The following LYPLA1 variants were observed in gnomAD, a reference collection of about 807,000 sequenced individuals.
LYPLA1 encodes lysophospholipase 1, also known as acyl-protein thioesterase 1.
LYPLA1 carries 17 observed loss-of-function variants against 34.0 expected under a neutral mutation model. The observed-to-expected ratio is 0.50, with a 90% CI of 0.34 to 0.75. LYPLA1 has a LOEUF of 0.75. LYPLA1 is among the 30% of genes least tolerant of loss of function. The pLI, the probability that LYPLA1 is intolerant of heterozygous loss-of-function variation, is 0.01. For synonymous variants in LYPLA1, 98 were observed against 100.8 expected, an observed-to-expected ratio of 0.97 and a Z score of 0.17; for missense variants, 203 against 288.8, an observed-to-expected ratio of 0.70 and a Z score of 2.15.
intron 5 of LYPLA1, among the ~76,000 whole-genome samples, chr8:54,060,612 T>C (rs1403351650): frequency 5.3e-5 from 8 of 152,044 alleles, no homozygotes; most frequent in Non-Finnish European, 1.2e-4. Flanking sequence ...AAGAAACACC[T>C]AGCTTGTAAA....
chr8:54,088,936 C>T (rs1213760878), intron 2 of LYPLA1, among the ~76,000 whole-genome samples: 1 of 152,064 alleles, frequency 6.6e-6, no homozygotes, highest in African/African-American at 2.4e-5. Flanking sequence ...ATAGATGAGC[C>T]TGAAAAACAT....
chr8:54,093,505 C>G (rs1171173063), intron 2 of LYPLA1, among the ~76,000 whole-genome samples: 1 of 152,162 alleles, frequency 6.6e-6, no homozygotes, highest in Admixed American at 6.5e-5. Flanking sequence ...GACGGATCTT[C>G]CGTTAAAGAG....
chr8:54,101,085 A>T, intron 1 of LYPLA1, 146 bp from the exon 2 acceptor site: 4 of 569,788 alleles, frequency 7.0e-6, no homozygotes, highest in Admixed American at 3.8e-5. Flanking sequence ...ATCTTTATCG[A>T]CCTCTTTTAA....
chr8:54,085,468 C>A (rs1327686782), intron 2 of LYPLA1, among the ~76,000 whole-genome samples: 2 of 151,412 alleles, frequency 1.3e-5, no homozygotes, highest in Non-Finnish European at 3.0e-5. Flanking sequence ...TGTGAGGAGC[C>A]CCTCTGCCCA....
chr8:54,101,517 C>A (rs1347235175), intron 1 of LYPLA1: 2 of 1,136,512 alleles, frequency 1.8e-6, no homozygotes, highest in African/African-American at 3.3e-5. Context: ...GTCCCGGGGC[C>A]ACACTTCCTC....
intron 6 of LYPLA1, 122 bp downstream of exon 6, chr8:54,054,938 G>A (rs1806103364): frequency 3.1e-6 from 2 of 645,558 alleles, no homozygotes; most frequent in East Asian, 5.8e-5. Context: ...AAACATCAAA[G>A]GTAAGTGTAT....
rs531296651 is a variant in LYPLA1 at position 54,072,716 on chromosome 8, T to C, written c.102-6903A>G. ...ACAGGCTGGGCGTGGTCGTGGCTCA[T>C]GCCTGTAATCCCAGCACTTTGGGTA... On this transcript the variant is annotated intron_variant, in intron 2 of 8. Coordinates refer to ENST00000316963, the MANE Select transcript of LYPLA1 (RefSeq NM_006330.4). Among the ~76,000 whole-genome samples, 827 of 152,070 alleles carry C rather than the reference T, an allele frequency of 5.4e-3. 3 individuals carry two copies. Among genetic ancestry groups the C allele is most frequent in the Non-Finnish European group, 9.6e-3 (651 of 67,966 alleles).
intron 3 of LYPLA1, among the ~76,000 whole-genome samples, chr8:54,064,500 T>C (rs1806901234): frequency 6.6e-6 from 1 of 152,222 alleles, no homozygotes; most frequent in African/African-American, 2.4e-5. Flanking sequence ...GCCACAGTAT[T>C]CACTGTAGCC....
chr8:54,056,347 G>GA lies in LYPLA1; in HGVS notation c.287-1215dup, dbSNP rs542606737. 2.0e-3 allele frequency among the ~76,000 whole-genome samples: 300 copies of GA among 152,188 alleles called. 4 individuals carry two copies. In the South Asian group the frequency reaches 0.027, roughly 14 times the overall value. On this transcript the variant is annotated intron_variant, in intron 5 of 8. Transcript: ENST00000316963. ...ATCTCAAACTATGAAACTACTACGA[G>GA]AAAAAATTGGGGAAAATCTCCAGGA...
At chr8:54,092,989 C>T (rs937125482) in intron 2 of LYPLA1, among the ~76,000 whole-genome samples, 5 of 152,154 alleles carry the variant, frequency 3.3e-5, no homozygotes, top group African/African-American at 1.2e-4. Flanking sequence ...GCACGTTATT[C>T]TTATGAACTC....
At chr8:54,069,942 T>C (rs1807343118) in intron 2 of LYPLA1, among the ~76,000 whole-genome samples, 1 of 152,178 alleles carries the variant, frequency 6.6e-6, no homozygotes, top group Admixed American at 6.5e-5. Flanking sequence ...CACTGTGAGA[T>C]ACCACTTCAT....
intron 2 of LYPLA1, 136 bp from the exon 3 acceptor site, chr8:54,065,949 T>G (rs896494988): frequency 3.1e-6 from 2 of 649,730 alleles, no homozygotes; most frequent in South Asian, 3.5e-5. Context: ...TGTTTGTTTG[T>G]TTTTTGAGAT....
intron 2 of LYPLA1, among the ~76,000 whole-genome samples, chr8:54,072,334 T>C (rs764186395): frequency 3.3e-5 from 5 of 152,088 alleles, no homozygotes; most frequent in Non-Finnish European, 5.9e-5. Flanking sequence ...TGTCTAAGAT[T>C]TCATGGTGAA....
At chr8:54,092,080 G>A (rs1470262783) in intron 2 of LYPLA1, among the ~76,000 whole-genome samples, 2 of 151,860 alleles carry the variant, frequency 1.3e-5, no homozygotes, top group East Asian at 1.9e-4. Flanking sequence ...GAAGCAAGGA[G>A]GAGGAGGAGG....
At chr8:54,058,697 TCTCAAGCAGCTGAG>T (rs1563576298) in intron 5 of LYPLA1, among the ~76,000 whole-genome samples, 2 of 151,606 alleles carry the variant, frequency 1.3e-5, no homozygotes, top group Non-Finnish European at 2.9e-5. Context: ...CACCTCAGAC[TCTCAAGCAGCTGAG>T]GGGGCCACAG....
At chr8:54,078,796 T>G (rs1017062123) in intron 2 of LYPLA1, among the ~76,000 whole-genome samples, 3 of 152,124 alleles carry the variant, frequency 2.0e-5, no homozygotes, top group Non-Finnish European at 4.4e-5. Context: ...CCTTCTACCA[T>G]CTGCTAAGAC....
chr8:54,052,565 T>TA (rs570786185), intron 7 of LYPLA1, 90 bp downstream of exon 7: 692 of 782,826 alleles, frequency 8.8e-4, no homozygotes, highest in Non-Finnish European at 1.1e-3. Flanking sequence ...AGTTTATTAA[T>TA]AAAAAAAAAT....
chr8:54,060,267 G>A (rs531781911), intron 5 of LYPLA1, among the ~76,000 whole-genome samples: 1 of 151,746 alleles, frequency 6.6e-6, no homozygotes, highest in Admixed American at 6.6e-5. Context: ...CTGGGATTAC[G>A]GGCAGGCGCT....
At chr8:54,101,081 A>C in intron 1 of LYPLA1, 142 bp from the exon 2 acceptor site, 1 of 671,136 alleles carries the variant, frequency 1.5e-6, no homozygotes, top group East Asian at 3.4e-5. Context: ...CTTAATCTTT[A>C]TCGACCTCTT....
Sources: gnomAD v4.1 joint callset for allele counts (sites outside exome capture counted in the v4.1 genomes callset) on GRCh38, gnomAD v4.1.1 for gene constraint, MANE v1.5 for transcripts, NCBI Gene and HGNC (gene_info 2026-07-23, HGNC 2026-07-21) for gene names.